The following CFAP100 variants were observed in gnomAD, a reference collection of about 807,000 sequenced individuals.
CFAP100 encodes the protein cilia and flagella associated protein 100, also known as cilia- and flagella-associated protein 100.
Under a neutral mutation model 81.5 loss-of-function variants are expected in CFAP100, and 70 were observed. The ratio of observed to expected loss-of-function variants is 0.86; its 90% confidence interval spans 0.71 to 1.05. CFAP100 has a LOEUF of 1.05. Ranked by LOEUF, CFAP100 falls within the 50% of genes least tolerant of loss-of-function variation. The pLI, the probability that CFAP100 is intolerant of heterozygous loss-of-function variation, is 0.00. For missense variants in CFAP100, 811 were observed against 776.5 expected, an observed-to-expected ratio of 1.04 and a Z score of -0.53; for synonymous variants, 341 against 314.8, an observed-to-expected ratio of 1.08 and a Z score of -0.88.
chr3:126,420,653 C>A (rs559514300), intron 11 of CFAP100: 9 of 183,258 alleles, frequency 4.9e-5, no homozygotes, highest in African/African-American at 1.9e-4. Flanking sequence ...AAGCTCAGAG[C>A]CCAGGGTGAG....
chr3:126,423,328 G>A lies in CFAP100; in HGVS notation c.1086G>A (p.Ser362=), dbSNP rs376547245. ...CGACCCTGCCATCTCTTCGCAGGTC[G>A]AACTCTCCCATCCCCCCCACGCAGG... The part of the protein sequence containing the change: ...SESSGGDSRG[S]NSPIPPTQED... Residue 362 remains serine (S), a synonymous_variant, in exon 12 of 17, where the codon TCG becomes TCA. Coordinates refer to ENST00000352312, the MANE Select transcript of CFAP100 (RefSeq NM_182628.3). 5.6e-5 allele frequency: 91 copies of A among 1,612,842 alleles called. No individual in the cohort carries two copies. Among genetic ancestry groups the A allele is most frequent in the African/African-American group, 9.4e-5 (7 of 74,842 alleles).
rs74650338 is a variant in CFAP100 at position 126,396,015 on chromosome 3, G to A, written c.15G>A (p.Pro5=). 1.4e-3 allele frequency: 2,180 copies of A among 1,613,956 alleles called. 43 individuals are homozygous for A. The East Asian group carries it at 0.034, about 25-fold the overall frequency. Residue 5 remains proline, a synonymous_variant, in exon 2 of 17, where the codon CCG becomes CCA. Transcript: ENST00000352312. Reference sequence around the variant, plus strand: ...CCTCAGCCAAGATGTCTGAGATACCGTCCACTATAGTCTCCAAGAACATGA... The same window carrying A: ...CCTCAGCCAAGATGTCTGAGATACCATCCACTATAGTCTCCAAGAACATGA... MSEI[P]STIVSKNMTN... is the part of the protein sequence containing the mutation.
chr3:126,419,576 G>A (rs894347649), intron 8 of CFAP100, 61 bp from the exon 9 acceptor site: 44 of 1,502,046 alleles, frequency 2.9e-5, no homozygotes, highest in Non-Finnish European at 3.5e-5. Flanking sequence ...CCGGCATGGG[G>A]ACCTCGCTGT....
intron 13 of CFAP100, among the ~76,000 whole-genome samples, chr3:126,431,419 C>T (rs139370523): frequency 1.1e-3 from 162 of 152,340 alleles, no homozygotes; most frequent in Admixed American, 2.6e-3. Context: ...ACAGGAGAAA[C>T]TGCAGGCCAA....
rs78148329 is a variant in CFAP100, at chr3:126,419,844, C to T, written c.913+26C>T. 1.3e-3 allele frequency: 2,047 copies of T among 1,611,990 alleles called. 20 individuals are homozygous for T. The East Asian group carries it at 0.03, about 24-fold the overall frequency. On this transcript the variant is annotated intron_variant, in intron 9 of 16. Transcript: ENST00000352312. ...GTAGCAGAAAAGAGAATGTGGGTTC[C>T]CAGGTGGGCTCTGCCAGTGGCCCAC...
chr3:126,432,377 C>CA (rs1011801579), intron 13 of CFAP100, among the ~76,000 whole-genome samples: 1 of 150,562 alleles, frequency 6.6e-6, no homozygotes, highest in African/African-American at 2.4e-5. Flanking sequence ...CATGTCCTCA[C>CA]AAAAACCTGC....
Position 126,423,644 on chromosome 3 carries a change from T to C in CFAP100, c.1286T>C (p.Met429Thr). 2 of 1,614,148 alleles carry C rather than the reference T, an allele frequency of 1.2e-6. No homozygotes were observed. The highest frequency in any genetic ancestry group is 1.7e-6 in the Non-Finnish European group (2 of 1,180,008). ...SHTLKHTQIR[M>T]DREVNQLKQW... is the part of the protein sequence containing the mutation. ...ACCCTGAAACACACCCAGATCCGCA[T>C]GTAGGTGCTATGCGGTGGCCAGTGG... Residue 429 changes from methionine (M) to threonine (T), a missense_variant and splice_region_variant, in exon 13 of 17, where the codon ATG (methionine) becomes ACG (threonine). By Grantham distance (81) the Met-to-Thr change is moderately conservative. Transcript: ENST00000352312.
At chr3:126,430,763 T>TG (rs57784323) in intron 13 of CFAP100, among the ~76,000 whole-genome samples, 47,829 of 151,360 alleles carry the variant, frequency 0.32, 7,547 homozygotes, top group East Asian at 0.36. Flanking sequence ...CAATAATTTC[T>TG]GGGTTTTTTT....
rs2083239375 is a variant in CFAP100 at position 126,416,327 on chromosome 3, G to A, written c.237G>A (p.Gln79=). 5 of 1,592,924 alleles carry A rather than the reference G, an allele frequency of 3.1e-6. No homozygotes were observed. The highest frequency in any genetic ancestry group is 4.3e-6 in the Non-Finnish European group (5 of 1,166,098). Residue 79 remains glutamine (Q), a synonymous_variant, in exon 5 of 17, where the codon CAG becomes CAA. Coordinates refer to ENST00000352312, the MANE Select transcript of CFAP100 (RefSeq NM_182628.3). ...ERNKALSERQ[Q]QKTMRVHQKM... ...CCCGACGCCCCCAGGAACGGCAGCA[G>A]CAGAAGACGATGCGGGTGCACCAGA...
chr3:126,429,712 C>G (rs1348436130), intron 13 of CFAP100, among the ~76,000 whole-genome samples: 1 of 151,146 alleles, frequency 6.6e-6, no homozygotes, highest in Non-Finnish European at 1.5e-5. Flanking sequence ...CAATTGCATA[C>G]AGAAACCTCT....
chr3:126,419,054 T>TCCCCCCCCCCCCCA, intron 7 of CFAP100, 22 bp from the exon 8 acceptor site: 2 of 334,568 alleles, frequency 6.0e-6, no homozygotes, highest in Admixed American at 5.4e-5. Flanking sequence ...CCATCCCTCC[T>TCCCCCCCCCCCCCA]CCCCCGCCGC....
chr3:126,418,383 C>T, intron 5 of CFAP100, 75 bp from the exon 6 acceptor site: 2 of 1,374,494 alleles, frequency 1.5e-6, no homozygotes, highest in South Asian at 1.2e-5. Flanking sequence ...CGGTGGAAGG[C>T]TCCTCTGCAG....
At position 126,433,141 on chromosome 3, in the gene CFAP100, A is replaced by G; in HGVS notation, c.1359A>G (p.Thr453=). 2 of 1,614,236 alleles carry G rather than the reference A, an allele frequency of 1.2e-6. No individual in the cohort carries two copies. Among genetic ancestry groups the G allele is most frequent in the South Asian group, 2.2e-5 (2 of 91,088 alleles). ...TGTCCATCACCAAGGAGGAGGACACAGCAGCTGAGCTGGAGCTCAAAGCCC... is the reference window on the plus strand; with the variant it reads ...TGTCCATCACCAAGGAGGAGGACACGGCAGCTGAGCTGGAGCTCAAAGCCC... ...MMMSITKEED[T]AAELELKARV... is the part of the protein sequence containing the mutation. The change falls in exon 14 of 17, where the codon ACA becomes ACG. Residue 453 remains threonine, a synonymous_variant. Coordinates refer to ENST00000352312, the MANE Select transcript of CFAP100 (RefSeq NM_182628.3).
chr3:126,435,418 G>A (rs1933406763), intron 15 of CFAP100, 141 bp from the exon 16 acceptor site: 1 of 647,606 alleles, frequency 1.5e-6, no homozygotes, highest in Admixed American at 3.0e-5. Flanking sequence ...TAGGTATTGA[G>A]AACTTGACCT....
In CFAP100 at chr3:126,419,706, GC is replaced by G. The variant is rs1560074542; in HGVS notation, c.804del (p.Lys269ArgfsTer74). On this transcript the variant is annotated frameshift_variant, in exon 9 of 17. Transcript: ENST00000352312. LOFTEE classifies it high-confidence loss of function. ...VYKDFLYKLS[P>X]KEWLEEQEKK... ...ATAAGGATTTCCTATACAAGCTGTC[GC>G]CCAAGGAGTGGCTTGAAGAACAGGA... The G allele has an allele frequency of 1.2e-6, 2 of 1,614,078 alleles. No individual in the cohort carries two copies. The highest frequency in any genetic ancestry group is 1.1e-5 in the South Asian group (1 of 91,092).
chr3:126,418,279 C>A, intron 5 of CFAP100, 179 bp from the exon 6 acceptor site: 5 of 608,690 alleles, frequency 8.2e-6, no homozygotes, highest in Non-Finnish European at 1.5e-5. Context: ...TCAGGCAGAG[C>A]CTTCTCTCTT....
chr3:126,419,526 A>T, intron 8 of CFAP100, 111 bp from the exon 9 acceptor site: 1 of 955,912 alleles, frequency 1.0e-6, no homozygotes, highest in Non-Finnish European at 1.6e-6. Flanking sequence ...CAAGGAAAAC[A>T]AGGAGCCCAC....
chr3:126,425,506 C>T (rs567781709), intron 13 of CFAP100, among the ~76,000 whole-genome samples: 5 of 152,268 alleles, frequency 3.3e-5, no homozygotes, highest in African/African-American at 1.2e-4. Flanking sequence ...AGAAATTATA[C>T]CAATTCTCTA....
At chr3:126,396,977 C>T (rs1032995117) in intron 2 of CFAP100, among the ~76,000 whole-genome samples, 3 of 152,232 alleles carry the variant, frequency 2.0e-5, no homozygotes, top group African/African-American at 4.8e-5. Context: ...CAAAGGCATA[C>T]AGTGCCCCTT....
Sources: gnomAD v4.1 joint callset for allele counts (sites outside exome capture counted in the v4.1 genomes callset) on GRCh38, gnomAD v4.1.1 for gene constraint, MANE v1.5 for transcripts, NCBI Gene and HGNC (gene_info 2026-07-23, HGNC 2026-07-21) for gene names.